The following APRT variants were observed in gnomAD, a reference collection of about 807,000 sequenced individuals.
The protein encoded by APRT is adenine phosphoribosyltransferase, also known as AMP diphosphorylase.
A neutral mutation model predicts 21.0 loss-of-function variants in APRT; 25 were observed. That is an observed-to-expected ratio of 1.19 (90% CI 0.87 to 1.66). APRT has a LOEUF of 1.66. APRT is among the 40% of genes most tolerant of loss of function. The probability of loss-of-function intolerance (pLI) is 0.00; values close to 1 mark genes in which losing one functional copy is unlikely to be tolerated. For missense variants in APRT, 294 were observed against 232.7 expected (o/e 1.26, Z -1.72); for synonymous variants, 153 against 109.0 (o/e 1.40, Z -2.52).
rs1909145179 is a variant in APRT, at chr16:88,811,628, CG to C, written c.108del (p.Ala37ProfsTer14). 2 of 1,601,138 alleles carry C rather than the reference CG, an allele frequency of 1.2e-6. No individual in the cohort carries two copies. ...AGGCCGATGGCGGCGCGGAAGGAGG[CG>C]GGGTCCTTCAGGACGGGCGAGATGT... Reference protein sequence around the residue: ...FRDISPVLKDPASFRAAIGLL... With the variant: ...FRDISPVLKDXASFRAAIGLL... On this transcript the variant is annotated frameshift_variant, in exon 2 of 5. Coordinates refer to ENST00000378364, the MANE Select transcript of APRT (RefSeq NM_000485.3). LOFTEE classifies it high-confidence loss of function.
Position 88,809,587 on chromosome 16 carries a change from G to A in APRT, c.*111C>T. The A allele has an allele frequency of 6.5e-7, 1 of 1,537,466 alleles. No homozygotes were observed. The highest frequency in any genetic ancestry group is 8.9e-7 in the Non-Finnish European group (1 of 1,117,448). Reference sequence around the variant, plus strand: ...GCCCCAGGAGAGGCGCTGAACCCCAGCAAAGGAATGTGTTCCCTGTGGGCA... The same window carrying A: ...GCCCCAGGAGAGGCGCTGAACCCCAACAAAGGAATGTGTTCCCTGTGGGCA... On this transcript the variant is annotated 3_prime_UTR_variant, in exon 5 of 5. Transcript: ENST00000378364.
At position 88,809,594 on chromosome 16, in the gene APRT, A is replaced by C. The variant is rs1004971357; in HGVS notation, c.*104T>G. 6.4e-7 allele frequency: 1 copy of C among 1,550,620 alleles called. No individual in the cohort carries two copies. Among genetic ancestry groups the C allele is most frequent in the Non-Finnish European group, 8.9e-7 (1 of 1,127,562 alleles). On this transcript the variant is annotated 3_prime_UTR_variant, in exon 5 of 5. Transcript: ENST00000378364. ...GAGAGGCGCTGAACCCCAGCAAAGG[A>C]ATGTGTTCCCTGTGGGCAGCCGGTG...
rs1567504887 is a variant in APRT, at chr16:88,810,442, TAGG to T, written c.299_301del (p.Ser100del). ...TCTTACCTTCCCGTACTCCAGGGAATAGGAGGCCCACAGAGTGGGGCCTGGCAG... is the reference window on the plus strand; with the variant it reads ...TCTTACCTTCCCGTACTCCAGGGAATAGGCCCACAGAGTGGGGCCTGGCAG... On this transcript the variant is annotated inframe_deletion, in exon 3 of 5. Transcript: ENST00000378364. 2 of 1,612,048 alleles carry T rather than the reference TAGG, an allele frequency of 1.2e-6. No homozygotes were observed. Among genetic ancestry groups the T allele is most frequent in the African/African-American group, 1.3e-5 (1 of 74,912 alleles).
At chr16:88,810,782 C>T (rs1909103039) in intron 2 of APRT, among the ~76,000 whole-genome samples, 1 of 152,174 alleles carries the variant, frequency 6.6e-6, no homozygotes, top group South Asian at 2.1e-4. Context: ...CTAGGGGAGT[C>T]ACCACCCCTC....
Position 88,809,491 on chromosome 16 carries a change from G to A in APRT, c.*207C>T, listed in dbSNP as rs1472751741. 2.3e-5 allele frequency: 18 copies of A among 797,654 alleles called. No homozygotes were observed. The highest frequency in any genetic ancestry group is 1.7e-4 in the East Asian group (6 of 36,346). 49.4% of individuals were successfully genotyped at this position (797,654 alleles called of 1,614,324 possible). A position where few individuals can be genotyped will look rare whatever the true frequency, so the allele number is the denominator to read the frequency against. On this transcript the variant is annotated 3_prime_UTR_variant, in exon 5 of 5. Transcript: ENST00000378364. ...CTCTTGTGGGAAAGCTGTTTACTGCGTTCTCCCGCTGTGTGTAATTGGGTT... is the reference window on the plus strand; with the variant it reads ...CTCTTGTGGGAAAGCTGTTTACTGCATTCTCCCGCTGTGTGTAATTGGGTT...
chr16:88,810,137 C>G lies in APRT; in HGVS notation c.333G>C (p.Glu111Asp). 2 of 1,613,188 alleles carry G rather than the reference C, an allele frequency of 1.2e-6. No individual in the cohort carries two copies. The highest frequency in any genetic ancestry group is 1.7e-6 in the Non-Finnish European group (2 of 1,180,020). ...CTGGCTCCAGGGCGTCTTTCTGAAT[C>G]TCCAGCTCAGCCTGGAGTGGGAAGT... ...YSLEYGKAEL[E>D]IQKDALEPGQ... Residue 111 changes from glutamate (E) to aspartate (D), a missense_variant, in exon 4 of 5, where the codon GAG becomes GAC. Transcript: ENST00000378364.
In APRT at chr16:88,811,916, C is replaced by A. The variant is rs773547053; in HGVS notation, c.-17G>T. 6.5e-7 allele frequency: 1 copy of A among 1,538,926 alleles called. No individual in the cohort carries two copies. The highest frequency in any genetic ancestry group is 8.7e-7 in the Non-Finnish European group (1 of 1,145,444). On this transcript the variant is annotated 5_prime_UTR_variant, in exon 1 of 5. Transcript: ENST00000378364. ...GTCGGCCATGGCCGCGTGCGAAGAG[C>A]CAGCGGCAGCCCGAGCGCGCCTGCG...
Position 88,809,588 on chromosome 16 carries a change from CA to C in APRT, c.*109del, listed in dbSNP as rs1349703270. On this transcript the variant is annotated 3_prime_UTR_variant, in exon 5 of 5. Transcript: ENST00000378364. ...CCCCAGGAGAGGCGCTGAACCCCAG[CA>C]AAGGAATGTGTTCCCTGTGGGCAGC... 2.6e-6 allele frequency: 4 copies of C among 1,542,850 alleles called. No individual in the cohort carries two copies. The highest frequency in any genetic ancestry group is 2.7e-6 in the Non-Finnish European group (3 of 1,122,016).
At chr16:88,811,699 G>C (rs1386357248) in intron 1 of APRT, 43 bp from the exon 2 acceptor site, 1 of 1,521,522 alleles carries the variant, frequency 6.6e-7, no homozygotes, top group Middle Eastern at 2.0e-4. Context: ...GCCGAAGGAG[G>C]GCAGGGCCCC....
At chr16:88,811,781 C>T in intron 1 of APRT, 39 bp downstream of exon 1, 3 of 1,531,486 alleles carry the variant, frequency 2.0e-6, no homozygotes, top group Non-Finnish European at 2.6e-6. Context: ...TCCGTAGGCC[C>T]GCAGGTCGGG....
At chr16:88,811,508 G>T in intron 2 of APRT, 42 bp downstream of exon 2, 1 of 1,531,674 alleles carries the variant, frequency 6.5e-7, no homozygotes, top group South Asian at 1.2e-5. Flanking sequence ...CTCGGCGCGC[G>T]CAGAGGCGGA....
rs1909143598 is a variant in APRT, at chr16:88,811,608, G to C, written c.129C>G (p.Ile43Met). The C allele has an allele frequency of 2.5e-6, 4 of 1,604,444 alleles. No individual in the cohort carries two copies. Among genetic ancestry groups the C allele is most frequent in the Middle Eastern group, 1.7e-4 (1 of 6,010 alleles). The change falls in exon 2 of 5, where the codon ATC (isoleucine) becomes ATG (methionine). Residue 43 changes from isoleucine to methionine, a missense_variant. Physicochemically the swap from Ile to Met is conservative, Grantham distance 10. Transcript: ENST00000378364. ...LKDPASFRAA[I>M]GLLARHLKAT... ...CCTTCAGGTGTCGCGCCAGGAGGCC[G>C]ATGGCGGCGCGGAAGGAGGCGGGGT...
intron 2 of APRT, chr16:88,811,028 C>T: frequency 3.7e-6 from 1 of 271,852 alleles, no homozygotes; most frequent in Non-Finnish European, 7.1e-6. Context: ...GTGGCTCCAG[C>T]AAGAGCTGGC....
Position 88,809,567 on chromosome 16 carries a change from A to C in APRT, c.*131T>G, listed in dbSNP as rs754262300. 4.9e-6 allele frequency: 7 copies of C among 1,428,874 alleles called. No homozygotes were observed. In the East Asian group the frequency reaches 1.6e-4, roughly 33 times the overall value. 88.5% of individuals were successfully genotyped at this position (1,428,874 alleles called of 1,614,324 possible). On this transcript the variant is annotated 3_prime_UTR_variant, in exon 5 of 5. Transcript: ENST00000378364. ...CCCAGGCTTTGGCACTTCCAGCCCCAGGAGAGGCGCTGAACCCCAGCAAAG... is the reference window on the plus strand; with the variant it reads ...CCCAGGCTTTGGCACTTCCAGCCCCCGGAGAGGCGCTGAACCCCAGCAAAG...
rs8191499 is a variant in APRT, at chr16:88,809,429, G to T, written c.*269C>A. On this transcript the variant is annotated 3_prime_UTR_variant, in exon 5 of 5. Coordinates refer to ENST00000378364, the MANE Select transcript of APRT (RefSeq NM_000485.3). ...CAGCTGAAGTCTGGTGTTGTCCTGG[G>T]GCTCCCTGCCCTGGGGAACAGGAGG... 9.7e-3 allele frequency: 5,720 copies of T among 591,366 alleles called. 229 individuals are homozygous for T. The highest frequency in any genetic ancestry group is 0.093 in the African/African-American group (5,075 of 54,706). 36.6% of individuals were successfully genotyped at this position (591,366 alleles called of 1,614,324 possible).
At position 88,809,582 on chromosome 16, in the gene APRT, C is replaced by G. The variant is rs772207278; in HGVS notation, c.*116G>C. On this transcript the variant is annotated 3_prime_UTR_variant, in exon 5 of 5. Transcript: ENST00000378364. ...TTCCAGCCCCAGGAGAGGCGCTGAACCCCAGCAAAGGAATGTGTTCCCTGT... is the reference window on the plus strand; with the variant it reads ...TTCCAGCCCCAGGAGAGGCGCTGAAGCCCAGCAAAGGAATGTGTTCCCTGT... 2.0e-6 allele frequency: 3 copies of G among 1,522,772 alleles called. No homozygotes were observed. In the Admixed American group the frequency reaches 5.1e-5, roughly 26 times the overall value. The allele number at this position is 1,522,772 out of a possible 1,614,324, so 94.3% of individuals were successfully genotyped here.
At position 88,811,918 on chromosome 16, in the gene APRT, A is replaced by T. The variant is rs2911456; in HGVS notation, c.-19T>A. ...CGGCCATGGCCGCGTGCGAAGAGCC[A>T]GCGGCAGCCCGAGCGCGCCTGCGCG... On this transcript the variant is annotated 5_prime_UTR_variant, in exon 1 of 5. Transcript: ENST00000378364. The T allele has an allele frequency of 5.6e-5, 86 of 1,538,988 alleles. No individual in the cohort carries two copies. In the African/African-American group the frequency reaches 1.0e-3, roughly 18 times the overall value.
chr16:88,810,350 C>T, intron 3 of APRT, 73 bp downstream of exon 3: 2 of 1,592,828 alleles, frequency 1.3e-6, no homozygotes, highest in South Asian at 2.2e-5. Flanking sequence ...CCTGGGAAGG[C>T]CTTTTAGAAC....
chr16:88,811,199 G>T (rs8191475), intron 2 of APRT: 9,472 of 470,568 alleles, frequency 0.02, 149 homozygotes, highest in Non-Finnish European at 0.029. Context: ...ACCAGGGAAG[G>T]CCTGGCTCGT....
Sources: gnomAD v4.1 joint callset for allele counts (sites outside exome capture counted in the v4.1 genomes callset) on GRCh38, gnomAD v4.1.1 for gene constraint, MANE v1.5 for transcripts, NCBI Gene and HGNC (gene_info 2026-07-23, HGNC 2026-07-21) for gene names.